The following POLR1A variants were observed in gnomAD, a reference collection of about 807,000 sequenced individuals.
POLR1A encodes the protein DNA-directed RNA polymerase I subunit RPA1.
In POLR1A, 84 loss-of-function variants were observed where a neutral mutation model predicts 205.3. The ratio of observed to expected loss-of-function variants is 0.41; its 90% CI spans 0.34 to 0.49. POLR1A has a LOEUF of 0.49. POLR1A is among the 20% of genes least tolerant of loss of function. The probability of loss-of-function intolerance (pLI) is 0.22; values close to 1 mark genes in which losing one functional copy is unlikely to be tolerated. For synonymous variants in POLR1A, 799 were observed against 863.7 expected (o/e 0.93, Z 1.31); for missense variants, 1,645 against 2,204.5 (o/e 0.75, Z 5.08).
At chr2:86,092,384 C>T (rs939773849) in intron 3 of POLR1A, among the ~76,000 whole-genome samples, 3 of 152,214 alleles carry the variant, frequency 2.0e-5, no homozygotes, top group Non-Finnish European at 4.4e-5. Flanking sequence ...GATGTGATCT[C>T]GTTCCTTTGC....
intron 6 of POLR1A, among the ~76,000 whole-genome samples, chr2:86,084,689 A>G (rs1673470419): frequency 7.0e-6 from 1 of 142,910 alleles, no homozygotes; most frequent in Non-Finnish European, 1.5e-5. Context: ...TTTTTTCAAG[A>G]CGGAGTCTTG....
Position 86,100,144 on chromosome 2 carries a change from G to T in POLR1A, c.106C>A (p.Pro36Thr). Residue 36 changes from proline (P) to threonine (T), a missense_variant, in exon 2 of 34, where the codon CCT (proline) becomes ACT (threonine). This residue lies in a region of POLR1A where 330 missense variants were observed against 375.6 expected (regional missense o/e 0.88). Transcript: ENST00000263857. ...TTCCCCAGGCTGTCCAGGTATCGAGGGTTCGTAATGGATTTAACACTTAAT... is the reference window on the plus strand; with the variant it reads ...TTCCCCAGGCTGTCCAGGTATCGAGTGTTCGTAATGGATTTAACACTTAAT... ...KKLSVKSITN[P>T]RYLDSLGNPS... 2 of 1,614,002 alleles carry T rather than the reference G, an allele frequency of 1.2e-6. No individual in the cohort carries two copies. The highest frequency in any genetic ancestry group is 2.2e-5 in the East Asian group (1 of 44,870).
chr2:86,041,446 G>A (rs1226625333), intron 24 of POLR1A, among the ~76,000 whole-genome samples: 1 of 152,048 alleles, frequency 6.6e-6, no homozygotes, highest in Admixed American at 6.6e-5. Flanking sequence ...CTTCAAATGG[G>A]AACCCAAAGC....
intron 14 of POLR1A, among the ~76,000 whole-genome samples, chr2:86,059,630 A>C (rs1427565371): frequency 6.6e-6 from 1 of 152,174 alleles, no homozygotes; most frequent in Non-Finnish European, 1.5e-5. Context: ...CAGTGGTGCA[A>C]TCTCAGCTCA....
intron 23 of POLR1A, 36 bp downstream of exon 23, chr2:86,042,938 G>A (rs780337375): frequency 2.0e-5 from 29 of 1,478,350 alleles, no homozygotes; most frequent in Admixed American, 8.4e-5. Flanking sequence ...AAGCCTGGAC[G>A]TGCTGGACAT....
intron 12 of POLR1A, among the ~76,000 whole-genome samples, chr2:86,071,972 A>G (rs904425613): frequency 6.6e-6 from 1 of 152,198 alleles, no homozygotes. Context: ...AGAAAACAAC[A>G]AATTATTGGA....
Position 86,098,643 on chromosome 2 carries a change from C to T in POLR1A, c.400G>A (p.Ala134Thr), listed in dbSNP as rs201717848. The T allele has an allele frequency of 2.8e-5, 45 of 1,613,510 alleles. No individual in the cohort carries two copies. The highest frequency in any genetic ancestry group is 3.7e-5 in the Non-Finnish European group (44 of 1,179,878). Residue 134 changes from alanine (A) to threonine (T), a missense_variant, in exon 3 of 34, where the codon GCA (alanine) becomes ACA (threonine). Ala to Thr is a moderately conservative substitution (Grantham distance 58, BLOSUM62 0). Around this residue, in one of 16 missense-constraint regions of POLR1A, gnomAD observed 330 missense variants for 375.6 expected, o/e 0.88. Coordinates refer to ENST00000263857, the MANE Select transcript of POLR1A (RefSeq NM_015425.6). ...AGAATTCTCTCAAGCTCGTAGACTG[C>T]TTGTAGGGCCCCGACTTCCAGAACC... is the stretch of plus-strand genomic sequence containing the variant. ...LRVLEVGALQ[A>T]VYELERILNR...
intron 16 of POLR1A, among the ~76,000 whole-genome samples, chr2:86,051,207 G>A (rs1672795601): frequency 6.6e-6 from 1 of 152,172 alleles, no homozygotes; most frequent in Non-Finnish European, 1.5e-5. Context: ...GACATTTGGT[G>A]GGTGGGTGGG....
rs775733094 is a variant in POLR1A at position 86,026,957 on chromosome 2, C to A, written c.*466G>T. 3 of 179,746 alleles carry A rather than the reference C, an allele frequency of 1.7e-5. No homozygotes were observed. The highest frequency in any genetic ancestry group is 3.6e-5 in the Non-Finnish European group (3 of 82,936). 11.1% of individuals were successfully genotyped at this position (179,746 alleles called of 1,614,324 possible). On this transcript the variant is annotated 3_prime_UTR_variant, in exon 34 of 34. Coordinates refer to ENST00000263857, the MANE Select transcript of POLR1A (RefSeq NM_015425.6). ...CAGCAGGCTCCACGTTCCTGCTCAT[C>A]GGGAGCCCCCAGGAATCTTGTCTGT...
rs1351479779 is a variant in POLR1A at position 86,099,976 on chromosome 2, G to C, written c.274C>G (p.Leu92Val). 6.2e-7 allele frequency: 1 copy of C among 1,613,668 alleles called. No individual in the cohort carries two copies. Among genetic ancestry groups the C allele is most frequent in the South Asian group, 1.1e-5 (1 of 91,068 alleles). ...ACTAAGGCAGCACTTACATCGAAGAGGAGAGGGTTATACACTGTGAGTGGG... is the reference window on the plus strand; with the variant it reads ...ACTAAGGCAGCACTTACATCGAAGACGAGAGGGTTATACACTGTGAGTGGG... ...ELPLTVYNPL[L>V]FDKLYLLLRG... The change falls in exon 2 of 34, where the codon CTC (leucine) becomes GTC (valine). Residue 92 changes from leucine (L) to valine (V), a missense_variant. Physicochemically the swap from Leu to Val is conservative, Grantham distance 32 (BLOSUM62 1). Transcript: ENST00000263857.
intron 1 of POLR1A, among the ~76,000 whole-genome samples, chr2:86,102,807 T>C (rs543022639): frequency 7.2e-5 from 11 of 152,212 alleles, no homozygotes; most frequent in African/African-American, 1.9e-4. Flanking sequence ...TTGAGATCAA[T>C]AGACTTAGGT....
intron 3 of POLR1A, among the ~76,000 whole-genome samples, chr2:86,091,391 G>T (rs923527077): frequency 6.6e-6 from 1 of 152,106 alleles, no homozygotes; most frequent in Non-Finnish European, 1.5e-5. Context: ...AAAGTGCTAG[G>T]ATTACAGGCA....
chr2:86,044,352 A>G (rs1573808173), intron 21 of POLR1A, 48 bp from the exon 22 acceptor site: 7 of 1,606,214 alleles, frequency 4.4e-6, no homozygotes, highest in Non-Finnish European at 6.0e-6. Flanking sequence ...TCACCTCCCC[A>G]GGGCAGCCTC....
intron 24 of POLR1A, among the ~76,000 whole-genome samples, chr2:86,041,198 GAGC>G: frequency 8.0e-6 from 1 of 124,768 alleles, no homozygotes; most frequent in African/African-American, 3.2e-5. Context: ...TGTGCGCGCT[GAGC>G]TACAGTGTCT....
intron 14 of POLR1A, among the ~76,000 whole-genome samples, chr2:86,061,859 G>A (rs1330616388): frequency 6.6e-6 from 1 of 152,084 alleles, no homozygotes; most frequent in African/African-American, 2.4e-5. Flanking sequence ...CCGTGGAGGG[G>A]TCTTCTGGGG....
chr2:86,053,254 C>T (rs957296584), intron 15 of POLR1A, among the ~76,000 whole-genome samples: 5 of 151,924 alleles, frequency 3.3e-5, no homozygotes, highest in African/African-American at 1.2e-4. Flanking sequence ...GGGACTATAC[C>T]ACAGAGACAT....
At chr2:86,071,667 T>C (rs1558777291) in intron 12 of POLR1A, among the ~76,000 whole-genome samples, 2 of 152,166 alleles carry the variant, frequency 1.3e-5, no homozygotes, top group Non-Finnish European at 2.9e-5. Flanking sequence ...CTCATACTTT[T>C]CCCCCCTTAT....
rs756562937 is a variant in POLR1A at position 86,040,409 on chromosome 2, G to A, written c.3723C>T (p.Val1241=). The A allele has an allele frequency of 3.7e-6, 6 of 1,609,708 alleles. No individual in the cohort carries two copies. The highest frequency in any genetic ancestry group is 5.1e-6 in the Non-Finnish European group (6 of 1,177,580). Residue 1241 remains valine (V), a synonymous_variant, in exon 25 of 34, where the codon GTC becomes GTT. Transcript: ENST00000263857. ...FHFAGRGEMN[V]TLGIPRLREI... is the part of the protein sequence containing the mutation. ...CCCCACACCTTGGAATGCCCAGGGT[G>A]ACGTTCATCTCGCCTCTGCCTGCAA...
intron 12 of POLR1A, among the ~76,000 whole-genome samples, chr2:86,074,520 T>C (rs1046799329): frequency 2.0e-5 from 3 of 152,252 alleles, no homozygotes; most frequent in African/African-American, 4.8e-5. Flanking sequence ...TAATCGATCA[T>C]GTGCTCCTTC....
Sources: allele counts gnomAD v4.1 joint callset (sites outside exome capture counted in the v4.1 genomes callset), GRCh38; gene constraint gnomAD v4.1.1; regional missense constraint gnomAD v4.1.1; transcripts MANE v1.5; gene names NCBI Gene and HGNC (gene_info 2026-07-23, HGNC 2026-07-21).